MALRD1: variants seen among roughly 807,000 people sequenced by gnomAD.
MALRD1 encodes the protein MAM and LDL receptor class A domain containing 1.
A neutral mutation model predicts 242.1 loss-of-function variants in MALRD1; 247 were observed. The observed-to-expected ratio is 1.02, with a 90% CI of 0.92 to 1.13. The LOEUF (loss-of-function observed/expected upper bound fraction) is 1.13. Ranked by LOEUF, MALRD1 falls within the 50% of genes most tolerant of loss-of-function variation. The pLI is 0.00. For synonymous variants in MALRD1, 995 were observed against 866.6 expected (o/e 1.15, Z -2.60); for missense variants, 2,989 against 2,533.1 (o/e 1.18, Z -3.86).
intron 32 of MALRD1, among the ~76,000 whole-genome samples, chr10:19,560,879 A>G (rs1246281999): frequency 6.6e-6 from 1 of 152,152 alleles, no homozygotes; most frequent in Non-Finnish European, 1.5e-5. Flanking sequence ...TGATGGGTAC[A>G]GAAAACCACC....
At chr10:19,336,708 A>C (rs1843628450) in intron 24 of MALRD1, among the ~76,000 whole-genome samples, 2 of 152,174 alleles carry the variant, frequency 1.3e-5, no homozygotes, top group Admixed American at 1.3e-4. Flanking sequence ...TGCATAACAT[A>C]AACTGTGGGC....
At chr10:19,634,242 A>G (rs909138070) in intron 36 of MALRD1, among the ~76,000 whole-genome samples, 11 of 152,164 alleles carry the variant, frequency 7.2e-5, no homozygotes, top group African/African-American at 1.7e-4. Flanking sequence ...CCAGACTCCA[A>G]TGCCAGATGA....
chr10:19,163,166 G>T (rs55693410), intron 12 of MALRD1, among the ~76,000 whole-genome samples: 4,907 of 58,476 alleles, frequency 0.084, 389 homozygotes, highest in African/African-American at 0.25. Flanking sequence ...AAAAAAAAAA[G>T]ACATCATTCT....
At chr10:19,178,935 G>A (rs1835379103) in intron 14 of MALRD1, among the ~76,000 whole-genome samples, 1 of 152,194 alleles carries the variant, frequency 6.6e-6, no homozygotes, top group African/African-American at 2.4e-5. Flanking sequence ...GATGAAGACA[G>A]TCAGAACAGA....
intron 19 of MALRD1, among the ~76,000 whole-genome samples, chr10:19,270,510 T>A (rs1303885122): frequency 6.6e-6 from 1 of 151,714 alleles, no homozygotes; most frequent in Non-Finnish European, 1.5e-5. Flanking sequence ...AGGGGAAATC[T>A]CCAGGTGAGA....
At chr10:19,142,987 A>G (rs2131431099) in intron 10 of MALRD1, among the ~76,000 whole-genome samples, 1 of 152,340 alleles carries the variant, frequency 6.6e-6, no homozygotes, top group East Asian at 1.9e-4. Flanking sequence ...ACACATTAGT[A>G]AAAACAGCCA....
chr10:19,542,741 C>T (rs1835027700), intron 32 of MALRD1, among the ~76,000 whole-genome samples: 1 of 152,058 alleles, frequency 6.6e-6, no homozygotes, highest in South Asian at 2.1e-4. Context: ...AGAGAGAAAC[C>T]ATAATCTTCT....
chr10:19,327,257 G>A (rs1843171401), intron 22 of MALRD1, among the ~76,000 whole-genome samples: 1 of 151,950 alleles, frequency 6.6e-6, no homozygotes, highest in Admixed American at 6.6e-5. Flanking sequence ...AACAGCAATT[G>A]TTACTGCTGC....
chr10:19,284,019 G>C (rs539927039), intron 21 of MALRD1, among the ~76,000 whole-genome samples: 17 of 152,308 alleles, frequency 1.1e-4, no homozygotes, highest in African/African-American at 3.8e-4. Flanking sequence ...GGGTTTGTTA[G>C]TGATGGAGCA....
chr10:19,513,445 A>T (rs1161012980), intron 31 of MALRD1, among the ~76,000 whole-genome samples: 1 of 150,520 alleles, frequency 6.6e-6, no homozygotes, highest in Middle Eastern at 3.2e-3. Context: ...TTTTTTTGAA[A>T]ATTATCCAAC....
At chr10:19,495,480 A>G (rs1241537184) in intron 30 of MALRD1, among the ~76,000 whole-genome samples, 1 of 152,102 alleles carries the variant, frequency 6.6e-6, no homozygotes, top group Non-Finnish European at 1.5e-5. Context: ...TACAACCAAG[A>G]ATTTCACATA....
intron 36 of MALRD1, among the ~76,000 whole-genome samples, chr10:19,626,286 A>T (rs1215661877): frequency 7.1e-6 from 1 of 140,400 alleles, no homozygotes; most frequent in Non-Finnish European, 1.5e-5. Flanking sequence ...TTTTCCCTTA[A>T]AATCAAGATT....
rs36070001 is a variant in MALRD1, at chr10:19,387,298, C to CTTT, written c.4442-217_4442-215dup. Among the ~76,000 whole-genome samples the CTTT allele has an allele frequency of 1.4e-3, 197 of 143,282 alleles. 3 individuals carry two copies. The South Asian group carries it at 0.015, about 11-fold the overall frequency. 94.0% of individuals were successfully genotyped at this position (143,282 alleles called of 152,430 possible). ...ACTTTCCTAGATCAATAAAGTGATG[C>CTTT]TTTTTTTTTTTTTTTAGCATTTGTG... On this transcript the variant is annotated intron_variant, in intron 26 of 39. Transcript: ENST00000454679.
intron 16 of MALRD1, 112 bp from the exon 17 acceptor site, chr10:19,204,786 G>A (rs554818765): frequency 4.9e-5 from 56 of 1,133,832 alleles, no homozygotes; most frequent in African/African-American, 3.8e-4. Context: ...AAAGAAAAGC[G>A]TCTTATGATA....
intron 8 of MALRD1, among the ~76,000 whole-genome samples, chr10:19,131,071 T>A (rs1178851590): frequency 6.6e-6 from 1 of 152,134 alleles, no homozygotes; most frequent in Non-Finnish European, 1.5e-5. Context: ...TCTGACACTA[T>A]TTGCTATCCT....
intron 15 of MALRD1, 92 bp from the exon 16 acceptor site, chr10:19,204,216 G>C (rs1836679936): frequency 6.3e-6 from 5 of 799,162 alleles, no homozygotes; most frequent in Middle Eastern, 6.3e-4. Flanking sequence ...GTTAGACAAT[G>C]ATCTTGCTCA....
chr10:19,557,423 CTT>C (rs1358195524), intron 32 of MALRD1, among the ~76,000 whole-genome samples: 3 of 152,002 alleles, frequency 2.0e-5, no homozygotes, highest in Non-Finnish European at 4.4e-5. Context: ...TTGCAGTTGA[CTT>C]TTAATTCAAT....
chr10:19,122,150 C>A (rs564030906), intron 5 of MALRD1, among the ~76,000 whole-genome samples: 1 of 152,120 alleles, frequency 6.6e-6, no homozygotes, highest in South Asian at 2.1e-4. Context: ...TGTCTGACAT[C>A]TCTAATAAAG....
At chr10:19,374,436 T>C (rs1845515532) in intron 26 of MALRD1, among the ~76,000 whole-genome samples, 1 of 152,210 alleles carries the variant, frequency 6.6e-6, no homozygotes, top group African/African-American at 2.4e-5. Flanking sequence ...ATAATTACTA[T>C]AGGCTGCTTT....
Sources: allele counts gnomAD v4.1 joint callset (sites outside exome capture counted in the v4.1 genomes callset), GRCh38; gene constraint gnomAD v4.1.1; transcripts MANE v1.5; gene names NCBI Gene and HGNC (gene_info 2026-07-23, HGNC 2026-07-21).